DIAPH2: variants seen among roughly 807,000 people sequenced by gnomAD.
DIAPH2 encodes protein diaphanous homolog 2.
DIAPH2 carries 35 observed loss-of-function variants against 92.7 expected under a neutral mutation model. That is an observed-to-expected ratio of 0.38 (90% CI 0.29 to 0.50). DIAPH2 has a LOEUF of 0.50. Ranked by LOEUF, DIAPH2 falls within the 20% of genes least tolerant of loss-of-function variation. The pLI, the probability that DIAPH2 is intolerant of heterozygous loss-of-function variation, is 0.94. For synonymous variants in DIAPH2, 301 were observed against 280.4 expected (o/e 1.07, Z -0.73); for missense variants, 701 against 819.5 (o/e 0.86, Z 1.77).
chrX:97,246,365 A>G (rs940372435), intron 22 of DIAPH2, among the ~76,000 whole-genome samples: 3 of 112,349 alleles, frequency 2.7e-5, no homozygotes, highest in Non-Finnish European at 5.6e-5. Flanking sequence ...AAAGCAAGCA[A>G]TGATTGGTGA....
rs397896097 is a variant in DIAPH2 at position 97,507,141 on chromosome X, C to CAAAAAAAAAAAAAAAAAAA, written c.3241+77403_3241+77421dup. Among the ~76,000 whole-genome samples, 9 of 31,122 alleles carry CAAAAAAAAAAAAAAAAAAA rather than the reference C, an allele frequency of 2.9e-4. 1 individual carries two copies. The highest frequency in any genetic ancestry group is 1.0e-3 in the East Asian group (1 of 984). The allele number at this position is 31,122 out of a possible 115,157, so 27.0% of individuals were successfully genotyped here. On this transcript the variant is annotated intron_variant, in intron 26 of 26. Transcript: ENST00000324765. ...AGGATACACCAGTGAACAAAACCGA[C>CAAAAAAAAAAAAAAAAAAA]AAAAAAAAAAAAAAAAAAAAAAAAA...
At chrX:97,187,692 A>G (rs920254644) in intron 22 of DIAPH2, among the ~76,000 whole-genome samples, 1 of 111,102 alleles carries the variant, frequency 9.0e-6, no homozygotes, top group African/African-American at 3.3e-5. Flanking sequence ...AAAATATAAG[A>G]GACTGGGGAA....
At chrX:97,201,637 T>C (rs1424597766) in intron 22 of DIAPH2, among the ~76,000 whole-genome samples, 1 of 109,266 alleles carries the variant, frequency 9.2e-6, no homozygotes, top group Non-Finnish European at 1.9e-5. Context: ...TGAAAAGGAA[T>C]GAACAAACCC....
chrX:96,862,840 T>C (rs2065080030), intron 4 of DIAPH2, among the ~76,000 whole-genome samples: 2 of 111,842 alleles, frequency 1.8e-5, no homozygotes, highest in Non-Finnish European at 3.8e-5. Flanking sequence ...GAGAGAATCC[T>C]GGACTGTAAA....
chrX:97,380,306 C>A (rs1039906285), intron 24 of DIAPH2, among the ~76,000 whole-genome samples: 1 of 111,337 alleles, frequency 9.0e-6, no homozygotes, highest in Admixed American at 9.6e-5. Flanking sequence ...GAACACTGTC[C>A]TGTACAATGA....
At chrX:96,689,378 T>C (rs1176756313) in intron 1 of DIAPH2, among the ~76,000 whole-genome samples, 7 of 106,737 alleles carry the variant, frequency 6.6e-5, no homozygotes, top group Admixed American at 2.1e-4. Flanking sequence ...AAAAGTACTT[T>C]GGAGAATTTC....
At chrX:96,939,615 C>CACACAT (rs1254683461) in intron 12 of DIAPH2, among the ~76,000 whole-genome samples, 1 of 51,424 alleles carries the variant, frequency 1.9e-5, no homozygotes, top group African/African-American at 7.0e-5. Context: ...CACACACACA[C>CACACAT]ATATACACAC....
intron 17 of DIAPH2, among the ~76,000 whole-genome samples, chrX:97,003,950 A>T (rs2066162080): frequency 9.0e-6 from 1 of 111,364 alleles, no homozygotes; most frequent in African/African-American, 3.3e-5. Flanking sequence ...CTTATAATCT[A>T]TTTTGATTTT....
rs189051700 is a variant in DIAPH2, at chrX:96,721,501, A to G, written c.133-14257A>G. Among the ~76,000 whole-genome samples, 5 of 112,461 alleles carry G rather than the reference A, an allele frequency of 4.4e-5. No homozygotes were observed. In the East Asian group the frequency reaches 1.4e-3, roughly 31 times the overall value. Reference sequence around the variant, plus strand: ...GCCTGTGTTTGAAAATAAATTTAACAGCTTTATACACAAGCTAAGTTTATG... The same window carrying G: ...GCCTGTGTTTGAAAATAAATTTAACGGCTTTATACACAAGCTAAGTTTATG... On this transcript the variant is annotated intron_variant, in intron 1 of 26. Coordinates refer to ENST00000324765, the MANE Select transcript of DIAPH2 (RefSeq NM_006729.5).
intron 17 of DIAPH2, among the ~76,000 whole-genome samples, chrX:97,009,919 G>A (rs2066212575): frequency 9.0e-6 from 1 of 111,657 alleles, no homozygotes; most frequent in Non-Finnish European, 1.9e-5. Flanking sequence ...GCTGACACAA[G>A]CACTCCCTTG....
intron 23 of DIAPH2, among the ~76,000 whole-genome samples, chrX:97,333,866 A>G (rs1207717310): frequency 1.8e-5 from 2 of 109,650 alleles, no homozygotes; most frequent in Non-Finnish European, 3.8e-5. Context: ...CCCCCGACCC[A>G]TATTTCTTAT....
At chrX:97,313,639 G>A (rs145299412) in intron 23 of DIAPH2, among the ~76,000 whole-genome samples, 293 of 110,713 alleles carry the variant, frequency 2.6e-3, no homozygotes, top group African/African-American at 9.1e-3. Context: ...ACAGAGTAAG[G>A]CTTTACTGTT....
chrX:97,559,660 A>G (rs997904054), intron 26 of DIAPH2, among the ~76,000 whole-genome samples: 3 of 111,940 alleles, frequency 2.7e-5, no homozygotes, highest in African/African-American at 6.5e-5. Flanking sequence ...TTCTACGTAC[A>G]CGGTAGACAT....
intron 26 of DIAPH2, among the ~76,000 whole-genome samples, chrX:97,507,545 A>G (rs1306597524): frequency 9.0e-6 from 1 of 111,371 alleles, no homozygotes; most frequent in Non-Finnish European, 1.9e-5. Flanking sequence ...AGGTAATCAT[A>G]ATTATATTTG....
intron 17 of DIAPH2, among the ~76,000 whole-genome samples, chrX:97,035,047 A>AT (rs1351193653): frequency 8.9e-6 from 1 of 112,027 alleles, no homozygotes; most frequent in Non-Finnish European, 1.9e-5. Flanking sequence ...TGCTTGTAAG[A>AT]TTTTGTAAGA....
intron 4 of DIAPH2, among the ~76,000 whole-genome samples, chrX:96,780,363 A>T (rs939691996): frequency 1.8e-5 from 2 of 112,557 alleles, no homozygotes; most frequent in African/African-American, 6.5e-5. Context: ...GTCCATTTCA[A>T]TATGTAAATT....
intron 23 of DIAPH2, among the ~76,000 whole-genome samples, chrX:97,323,658 C>T (rs1355606972): frequency 5.9e-5 from 6 of 102,393 alleles, no homozygotes; most frequent in Non-Finnish European, 9.8e-5. Context: ...AATCCCAGCA[C>T]TTTGGGAGGC....
At chrX:97,134,224 C>A in intron 21 of DIAPH2, among the ~76,000 whole-genome samples, 1 of 111,862 alleles carries the variant, frequency 8.9e-6, no homozygotes, top group East Asian at 2.8e-4. Flanking sequence ...GGATAGGTAG[C>A]TGATAGGTTA....
At chrX:97,382,635 C>A (rs2064225109) in intron 24 of DIAPH2, among the ~76,000 whole-genome samples, 1 of 111,585 alleles carries the variant, frequency 9.0e-6, no homozygotes, top group African/African-American at 3.3e-5. Flanking sequence ...CTACAATAGC[C>A]AGGTACCTTT....
Sources: gnomAD v4.1 joint callset for allele counts (sites outside exome capture counted in the v4.1 genomes callset) on GRCh38, gnomAD v4.1.1 for gene constraint, MANE v1.5 for transcripts, NCBI Gene and HGNC (gene_info 2026-07-23, HGNC 2026-07-21) for gene names.